WDR64: variants seen among roughly 807,000 people sequenced by gnomAD.
The protein encoded by WDR64 is WD repeat-containing protein 64.
A neutral mutation model predicts 139.3 loss-of-function variants in WDR64; 112 were observed. The observed-to-expected ratio is 0.80, with a 90% confidence interval of 0.69 to 0.94. The LOEUF is 0.94. Among genes scored for constraint, WDR64 ranks in the 40% least tolerant of loss-of-function variants. WDR64 has a pLI of 0.00. For synonymous variants in WDR64, 444 were observed against 437.7 expected, an observed-to-expected ratio of 1.01 and a Z score of -0.18; for missense variants, 1,206 against 1,293.1, an observed-to-expected ratio of 0.93 and a Z score of 1.03.
chr1:241,709,970 A>G (rs2148169341), intron 8 of WDR64, among the ~76,000 whole-genome samples: 1 of 152,312 alleles, frequency 6.6e-6, no homozygotes, highest in South Asian at 2.1e-4. Context: ...ACAGTTTTAA[A>G]ATACGATTTA....
Position 241,656,394 on chromosome 1 carries a change from G to C in WDR64, c.145+3765G>C, listed in dbSNP as rs948207451. 1.3e-5 allele frequency among the ~76,000 whole-genome samples: 2 copies of C among 152,058 alleles called. No individual in the cohort carries two copies. Among genetic ancestry groups the C allele is most frequent in the Non-Finnish European group, 2.9e-5 (2 of 68,016 alleles). ...TCTTAGATCTTGTGAGTGACCTGGG[G>C]GAATTAATTTTATCCCAGGACAAAG... On this transcript the variant is annotated intron_variant, in intron 1 of 27. Coordinates refer to ENST00000437684, the MANE Select transcript of WDR64 (RefSeq NM_001367482.1). The surrounding 1 kb of genome is among the most constrained non-coding windows in gnomAD (Gnocchi z 4.3).
intron 1 of WDR64, among the ~76,000 whole-genome samples, chr1:241,654,814 G>A (rs1665515925): frequency 6.6e-6 from 1 of 152,124 alleles, no homozygotes; most frequent in Non-Finnish European, 1.5e-5. Context: ...TTTGTTTCAT[G>A]CACAGAATTA....
chr1:241,762,416 C>T (rs766408198), intron 15 of WDR64, among the ~76,000 whole-genome samples: 22 of 152,030 alleles, frequency 1.4e-4, no homozygotes, highest in Non-Finnish European at 2.6e-4. Context: ...ACAAGGCAGG[C>T]GCATGTGTGC....
intron 14 of WDR64, among the ~76,000 whole-genome samples, chr1:241,756,531 T>G (rs1013331394): frequency 2.0e-5 from 3 of 152,146 alleles, no homozygotes; most frequent in Non-Finnish European, 4.4e-5. Flanking sequence ...TCTTCCTATT[T>G]GAAAGGGTAT....
chr1:241,728,030 G>C (rs1175123448), intron 10 of WDR64, among the ~76,000 whole-genome samples: 1 of 151,846 alleles, frequency 6.6e-6, no homozygotes, highest in South Asian at 2.1e-4. Context: ...GGGCAATTTA[G>C]GCAGAAAGAA....
chr1:241,772,478 T>G (rs1658495754), intron 19 of WDR64, among the ~76,000 whole-genome samples: 1 of 79,976 alleles, frequency 1.3e-5, no homozygotes, highest in South Asian at 4.4e-4. Context: ...TTTTTTTTTT[T>G]TTGAGACAGA....
intron 12 of WDR64, among the ~76,000 whole-genome samples, chr1:241,742,689 T>G (rs913605473): frequency 3.9e-5 from 6 of 152,240 alleles, no homozygotes; most frequent in African/African-American, 1.4e-4. Context: ...AGCCATTCTT[T>G]GTTCCTTTCC....
intron 16 of WDR64, among the ~76,000 whole-genome samples, chr1:241,767,854 C>T (rs1658249718): frequency 6.6e-6 from 1 of 152,160 alleles, no homozygotes; most frequent in East Asian, 1.9e-4. Context: ...ACTCCTGGAT[C>T]CTGCCCCTGG....
intron 12 of WDR64, among the ~76,000 whole-genome samples, chr1:241,742,845 G>A (rs1014520850): frequency 6.6e-6 from 1 of 152,138 alleles, no homozygotes; most frequent in African/African-American, 2.4e-5. Flanking sequence ...GAGGCCAGGG[G>A]TCCTGGCCAT....
chr1:241,716,247 G>A (rs1029756213), intron 9 of WDR64, among the ~76,000 whole-genome samples: 8 of 148,870 alleles, frequency 5.4e-5, no homozygotes, highest in African/African-American at 2.0e-4. Flanking sequence ...AAATGTGCAG[G>A]GACATTTGAT....
In WDR64 at chr1:241,744,382, C is replaced by G; in HGVS notation, c.1471-11C>G. ...AAACGGATTACTTGATATTTTCGTTCTTTCCCATAGGTATGGGAACTCGAG... is the reference window on the plus strand; with the variant it reads ...AAACGGATTACTTGATATTTTCGTTGTTTCCCATAGGTATGGGAACTCGAG... On this transcript the variant is annotated splice_polypyrimidine_tract_variant and intron_variant, in intron 12 of 27. Coordinates refer to ENST00000437684, the MANE Select transcript of WDR64 (RefSeq NM_001367482.1). The G allele has an allele frequency of 1.2e-6, 2 of 1,612,972 alleles. No individual in the cohort carries two copies. Among genetic ancestry groups the G allele is most frequent in the Non-Finnish European group, 1.7e-6 (2 of 1,179,716 alleles).
At chr1:241,781,710 A>G (rs539943315) in intron 22 of WDR64, among the ~76,000 whole-genome samples, 10 of 152,390 alleles carry the variant, frequency 6.6e-5, no homozygotes, top group Non-Finnish European at 1.3e-4. Context: ...TTAAGGGGTC[A>G]TGAAATCAAT....
At chr1:241,788,862 G>T (rs1659131982) in intron 24 of WDR64, among the ~76,000 whole-genome samples, 1 of 152,168 alleles carries the variant, frequency 6.6e-6, no homozygotes, top group African/African-American at 2.4e-5. Flanking sequence ...GGTGTAGTAA[G>T]CCAAGCTTCA....
At chr1:241,797,809 A>G (rs1659409333) in intron 27 of WDR64, among the ~76,000 whole-genome samples, 1 of 152,198 alleles carries the variant, frequency 6.6e-6, no homozygotes, top group Admixed American at 6.5e-5. Flanking sequence ...AAAAAAATCC[A>G]AAACTAAAGG....
chr1:241,665,110 T>G (rs987651862), intron 2 of WDR64, among the ~76,000 whole-genome samples: 3 of 152,154 alleles, frequency 2.0e-5, no homozygotes, highest in African/African-American at 7.2e-5. Context: ...ATTATTCTGT[T>G]ACATCACTTG....
At chr1:241,671,852 T>C (rs1220642128) in intron 3 of WDR64, among the ~76,000 whole-genome samples, 2 of 152,142 alleles carry the variant, frequency 1.3e-5, no homozygotes, top group Non-Finnish European at 2.9e-5. Flanking sequence ...TATTCTGAGA[T>C]GAAGGTCAAA....
intron 27 of WDR64, among the ~76,000 whole-genome samples, chr1:241,798,904 A>G (rs925903281): frequency 6.6e-6 from 1 of 152,178 alleles, no homozygotes; most frequent in Non-Finnish European, 1.5e-5. Flanking sequence ...ATAAATCAGA[A>G]CATGAGTTTG....
chr1:241,658,662 T>C (rs766456984), intron 1 of WDR64, among the ~76,000 whole-genome samples: 114 of 146,978 alleles, frequency 7.8e-4, no homozygotes, highest in Non-Finnish European at 1.3e-3. Context: ...AAAAAAAGAA[T>C]TGCTGTTTGC....
At chr1:241,775,357 C>G in intron 21 of WDR64, 147 bp downstream of exon 21, 3 of 586,444 alleles carry the variant, frequency 5.1e-6, no homozygotes, top group South Asian at 3.0e-5. Context: ...TTATAAATAG[C>G]CTGCTGAATA....
Sources: allele counts gnomAD v4.1 joint callset (sites outside exome capture counted in the v4.1 genomes callset), GRCh38; gene constraint gnomAD v4.1.1; non-coding constraint Gnocchi (gnomAD v3.1); transcripts MANE v1.5; gene names NCBI Gene and HGNC (gene_info 2026-07-23, HGNC 2026-07-21).